TFAP2E: variants seen among roughly 807,000 people sequenced by gnomAD.
The protein encoded by TFAP2E is transcription factor AP-2-epsilon.
In TFAP2E, 30 loss-of-function variants were observed where a neutral mutation model predicts 37.9. The observed-to-expected ratio is 0.79, with a 90% CI of 0.59 to 1.07. TFAP2E has a LOEUF of 1.07. Ranked by LOEUF, TFAP2E falls within the 50% of genes least tolerant of loss-of-function variation. TFAP2E has a pLI of 0.00. For missense variants in TFAP2E, 567 were observed against 637.9 expected, an observed-to-expected ratio of 0.89 and a Z score of 1.20; for synonymous variants, 318 against 295.8, an observed-to-expected ratio of 1.08 and a Z score of -0.77.
chr1:35,573,492 C>T lies in TFAP2E; in HGVS notation c.-86C>T. 6 of 1,393,686 alleles carry T rather than the reference C, an allele frequency of 4.3e-6. No individual in the cohort carries two copies. The highest frequency in any genetic ancestry group is 3.0e-5 in the East Asian group (1 of 33,568). 86.3% of individuals were successfully genotyped at this position (1,393,686 alleles called of 1,614,324 possible). A position where few individuals can be genotyped will look rare whatever the true frequency, so the allele number is the denominator to read the frequency against. The stretch of plus-strand genomic sequence containing the variant: ...GCACCGTGACCTCCGCGGGCTGTGC[C>T]GGCTCCCGGCGCCTCTGCCCGCAGC... On this transcript the variant is annotated 5_prime_UTR_variant, in exon 1 of 7. Coordinates refer to ENST00000373235, the MANE Select transcript of TFAP2E (RefSeq NM_178548.4). This position sits in a 1 kb window ranked among gnomAD's most constrained non-coding sequence, Gnocchi z 5.9.
At chr1:35,575,150 A>T in intron 3 of TFAP2E, 150 bp downstream of exon 3, 1 of 1,046,364 alleles carries the variant, frequency 9.6e-7, no homozygotes. Context: ...TGTTAGGCAG[A>T]CGTGCGGGCT....
Position 35,574,994 on chromosome 1 carries a change from A to C in TFAP2E, c.556A>C (p.Lys186Gln), listed in dbSNP as rs775981066. 6.2e-7 allele frequency: 1 copy of C among 1,613,978 alleles called. No homozygotes were observed. Among genetic ancestry groups the C allele is most frequent in the Non-Finnish European group, 8.5e-7 (1 of 1,179,996 alleles). ...GAGCCTCCTAGACCAGTCCGTGATC[A>C]AGAAAGGTAAGGAATGGTCTGTCAG... ...GMSLLDQSVI[K>Q]KVPIPSKASS... The change falls in exon 3 of 7, where the codon AAG (lysine) becomes CAG (glutamine). Residue 186 changes from lysine to glutamine, a missense_variant. By Grantham distance (53) the Lys-to-Gln change is moderately conservative. Around this residue, in one of 3 missense-constraint regions of TFAP2E, gnomAD observed 312 missense variants for 317.4 expected, o/e 0.98. Transcript: ENST00000373235.
rs920825438 is a variant in TFAP2E, at chr1:35,577,288, C to A, written c.562+2288C>A. The A allele has an allele frequency of 1.6e-5, 7 of 439,680 alleles. No individual in the cohort carries two copies. Among genetic ancestry groups the A allele is most frequent in the Non-Finnish European group, 3.2e-5 (7 of 216,678 alleles). 27.2% of individuals were successfully genotyped at this position (439,680 alleles called of 1,614,324 possible). The stretch of plus-strand genomic sequence containing the variant: ...CTTGCTCCCTGGAGCCGCCCCTCCC[C>A]ACACCTGCCCTCGGCGCCCCCAGCA... On this transcript the variant is annotated intron_variant, in intron 3 of 6. Coordinates refer to ENST00000373235, the MANE Select transcript of TFAP2E (RefSeq NM_178548.4). This position sits in a 1 kb window ranked among gnomAD's most constrained non-coding sequence, Gnocchi z 6.3.
intron 6 of TFAP2E, among the ~76,000 whole-genome samples, chr1:35,593,825 A>T (rs1649753691): frequency 6.6e-6 from 1 of 152,244 alleles, no homozygotes; most frequent in African/African-American, 2.4e-5. Context: ...AGCTAGGTTC[A>T]AATCCCAGCT....
Position 35,589,924 on chromosome 1 carries a change from G to A in TFAP2E, c.786-6G>A. On this transcript the variant is annotated splice_region_variant and splice_polypyrimidine_tract_variant and intron_variant, in intron 4 of 6. Transcript: ENST00000373235. ...TGTATGTCTGTCTGTCTCTGTGCAT[G>A]TCAAGGGCCAAGTCCAAAAATGGGG... is the stretch of plus-strand genomic sequence containing the variant. 1 of 1,613,852 alleles carries A rather than the reference G, an allele frequency of 6.2e-7. No individual in the cohort carries two copies. Among genetic ancestry groups the A allele is most frequent in the Admixed American group, 1.7e-5 (1 of 60,006 alleles).
rs1649534910 is a variant in TFAP2E, at chr1:35,588,030, T to G, written c.563-300T>G. Reference sequence around the variant, plus strand: ...CAGGGGTCCTGCCTCCAGCTCACACTCATATCCTTACATCCAGGTCCCTCT... The same window carrying G: ...CAGGGGTCCTGCCTCCAGCTCACACGCATATCCTTACATCCAGGTCCCTCT... On this transcript the variant is annotated intron_variant, in intron 3 of 6. Coordinates refer to ENST00000373235, the MANE Select transcript of TFAP2E (RefSeq NM_178548.4). The surrounding 1 kb of genome is among the most constrained non-coding windows in gnomAD (Gnocchi z 5.1). Among the ~76,000 whole-genome samples the G allele has an allele frequency of 6.6e-6, 1 of 152,142 alleles. No individual in the cohort carries two copies. Among genetic ancestry groups the G allele is most frequent in the Admixed American group, 6.5e-5 (1 of 15,278 alleles).
rs1246631020 is a variant in TFAP2E, at chr1:35,574,400, G to A, written c.501G>A (p.Glu167=). The part of the protein sequence containing the change: ...LPGLAAAPGL[E]DLQAMDEPGM... Reference sequence around the variant, plus strand: ...GGCTGGCGGCGGCCCCCGGTCTGGAGGACCTGCAGGTGAGACCCGAGGGAT... The same window carrying A: ...GGCTGGCGGCGGCCCCCGGTCTGGAAGACCTGCAGGTGAGACCCGAGGGAT... The change falls in exon 2 of 7, where the codon GAG becomes GAA. Residue 167 remains glutamate, a synonymous_variant. Coordinates refer to ENST00000373235, the MANE Select transcript of TFAP2E (RefSeq NM_178548.4). The A allele has an allele frequency of 1.4e-6, 2 of 1,431,358 alleles. No homozygotes were observed. The highest frequency in any genetic ancestry group is 2.0e-4 in the Middle Eastern group (1 of 5,124). 88.7% of individuals were successfully genotyped at this position (1,431,358 alleles called of 1,614,324 possible).
chr1:35,592,389 A>G lies in TFAP2E; in HGVS notation c.1046+1614A>G, dbSNP rs112430604. Among the ~76,000 whole-genome samples the G allele has an allele frequency of 3.4e-3, 516 of 152,232 alleles. 1 individual carries two copies. Among genetic ancestry groups the G allele is most frequent in the Non-Finnish European group, 6.2e-3 (419 of 68,004 alleles). ...CCATAAACTGGGTAGCTTATAAACAACAGAAATTTTTATTTATTTATTTAT... is the reference window on the plus strand; with the variant it reads ...CCATAAACTGGGTAGCTTATAAACAGCAGAAATTTTTATTTATTTATTTAT... On this transcript the variant is annotated intron_variant, in intron 6 of 6. Transcript: ENST00000373235.
chr1:35,574,357 C>T lies in TFAP2E; in HGVS notation c.458C>T (p.Ala153Val). ...LADGAHGLAD[A>V]PLGLPGLAAA... Reference sequence around the variant, plus strand: ...GACGGCGCGCACGGCCTGGCAGACGCACCTCTCGGCCTTCCGGGGCTGGCG... The same window carrying T: ...GACGGCGCGCACGGCCTGGCAGACGTACCTCTCGGCCTTCCGGGGCTGGCG... Residue 153 changes from alanine to valine, a missense_variant, in exon 2 of 7, where the codon GCA becomes GTA. By Grantham distance (64) the Ala-to-Val change is moderately conservative. This residue lies in a region of TFAP2E where 312 missense variants were observed against 317.4 expected (regional missense o/e 0.98). Transcript: ENST00000373235. The T allele has an allele frequency of 6.9e-7, 1 of 1,444,888 alleles. No homozygotes were observed. The highest frequency in any genetic ancestry group is 9.0e-7 in the Non-Finnish European group (1 of 1,111,846). The allele number at this position is 1,444,888 out of a possible 1,614,324, so 89.5% of individuals were successfully genotyped here.
At position 35,594,931 on chromosome 1, in the gene TFAP2E, G is replaced by T. The variant is rs374342479; in HGVS notation, c.*255G>T. On this transcript the variant is annotated 3_prime_UTR_variant, in exon 7 of 7. Transcript: ENST00000373235. ...TTTCTGACCTTTGATGGTTGAGAAG[G>T]GTTTGGACAGAAAATTGACATGAAA... 7.4e-6 allele frequency: 4 copies of T among 542,918 alleles called. No individual in the cohort carries two copies. The highest frequency in any genetic ancestry group is 1.9e-5 in the African/African-American group (1 of 52,626). The allele number at this position is 542,918 out of a possible 1,614,324, so 33.6% of individuals were successfully genotyped here. A position where few individuals can be genotyped will look rare whatever the true frequency, so the allele number is the denominator to read the frequency against.
rs1224920925 is a variant in TFAP2E at position 35,594,845 on chromosome 1, G to A, written c.*169G>A. ...ATCTGGCTTGGAGTAAGGGAGGGTG[G>A]CCTCTCTGTGGTGGTGTGTTGGTAA... On this transcript the variant is annotated 3_prime_UTR_variant, in exon 7 of 7. Coordinates refer to ENST00000373235, the MANE Select transcript of TFAP2E (RefSeq NM_178548.4). The A allele has an allele frequency of 3.1e-6, 3 of 983,566 alleles. No homozygotes were observed. In the East Asian group the frequency reaches 7.9e-5, roughly 26 times the overall value. The allele number at this position is 983,566 out of a possible 1,614,324, so 60.9% of individuals were successfully genotyped here. A position where few individuals can be genotyped will look rare whatever the true frequency, so the allele number is the denominator to read the frequency against.
chr1:35,586,314 A>G (rs986529237), intron 3 of TFAP2E, among the ~76,000 whole-genome samples: 1 of 152,134 alleles, frequency 6.6e-6, no homozygotes, highest in Non-Finnish European at 1.5e-5. Context: ...AACTTTCAGC[A>G]CCTGGCACTC....
intron 6 of TFAP2E, among the ~76,000 whole-genome samples, chr1:35,593,560 G>A (rs1031259637): frequency 6.6e-6 from 1 of 152,208 alleles, no homozygotes; most frequent in Admixed American, 6.5e-5. Context: ...AGGCAGAAGA[G>A]GAAGCACAGA....
At chr1:35,587,653 A>AAAAAAAAGGAAAG (rs796133136) in intron 3 of TFAP2E, among the ~76,000 whole-genome samples, 2 of 147,724 alleles carry the variant, frequency 1.4e-5, no homozygotes, top group African/African-American at 5.2e-5. Context: ...AAAAAAAAAA[A>AAAAAAAAGGAAAG]AAAGAAAGAA....
intron 3 of TFAP2E, among the ~76,000 whole-genome samples, chr1:35,586,406 G>A (rs765827522): frequency 1.3e-5 from 2 of 152,200 alleles, no homozygotes; most frequent in Non-Finnish European, 1.5e-5. Context: ...TTGATTCTCA[G>A]GGAACTGACC....
rs1295497510 is a variant in TFAP2E, at chr1:35,577,738, G to A, written c.562+2738G>A. ...TGGAGCTCGCAGGGCCCAGACCTGG[G>A]TTGGAAAAGCTTCGCTGACTGCAGG... On this transcript the variant is annotated intron_variant, in intron 3 of 6. Coordinates refer to ENST00000373235, the MANE Select transcript of TFAP2E (RefSeq NM_178548.4). The surrounding 1 kb of genome is among the most constrained non-coding windows in gnomAD (Gnocchi z 6.3). 3 of 254,154 alleles carry A rather than the reference G, an allele frequency of 1.2e-5. No homozygotes were observed. The highest frequency in any genetic ancestry group is 2.4e-5 in the Non-Finnish European group (3 of 122,804). The allele number at this position is 254,154 out of a possible 1,614,324, so 15.7% of individuals were successfully genotyped here. A position where few individuals can be genotyped will look rare whatever the true frequency, so the allele number is the denominator to read the frequency against.
At position 35,574,836 on chromosome 1, in the gene TFAP2E, G is replaced by T. The variant is rs572196681; in HGVS notation, c.511-113G>T. The T allele has an allele frequency of 1.5e-5, 22 of 1,462,886 alleles. No individual in the cohort carries two copies. The South Asian group carries it at 2.2e-4, about 14-fold the overall frequency. 90.6% of individuals were successfully genotyped at this position (1,462,886 alleles called of 1,614,324 possible). ...GGGCCTGCCCGTCGCCGCCCCAAGC[G>T]AAGCTGGTGCGCCTTGGGCGGAGCA... On this transcript the variant is annotated intron_variant, in intron 2 of 6. Transcript: ENST00000373235.
intron 3 of TFAP2E, among the ~76,000 whole-genome samples, chr1:35,579,927 C>A (rs984754645): frequency 6.6e-6 from 1 of 152,014 alleles, no homozygotes; most frequent in Non-Finnish European, 1.5e-5. Context: ...AAACCCTGGG[C>A]CGGGCGCAGT....
chr1:35,593,033 GA>G (rs766520672), intron 6 of TFAP2E, among the ~76,000 whole-genome samples: 3 of 151,708 alleles, frequency 2.0e-5, no homozygotes, highest in Non-Finnish European at 4.4e-5. Context: ...AGAGGAGGGG[GA>G]TAGAGAAAGA....
Sources: gnomAD v4.1 joint callset for allele counts (sites outside exome capture counted in the v4.1 genomes callset) on GRCh38, gnomAD v4.1.1 for gene constraint, gnomAD v4.1.1 regional missense constraint, Gnocchi (gnomAD v3.1) non-coding constraint, MANE v1.5 for transcripts, NCBI Gene and HGNC (gene_info 2026-07-23, HGNC 2026-07-21) for gene names.